The following SOX6 variants were observed in gnomAD, a reference collection of about 807,000 sequenced individuals.
SOX6 encodes SRY-box transcription factor 6, also known as transcription factor SOX-6.
In SOX6, 11 loss-of-function variants were observed where a neutral mutation model predicts 97.8. That is an observed-to-expected ratio of 0.11 (90% CI 0.07 to 0.19). SOX6 has a LOEUF of 0.19. Ranked by LOEUF, SOX6 falls within the 10% of genes least tolerant of loss-of-function variation. SOX6 has a pLI of 1.00. For synonymous variants in SOX6, 360 were observed against 371.4 expected (o/e 0.97, Z 0.35); for missense variants, 810 against 1,039.5 (o/e 0.78, Z 3.04).
intron 9 of SOX6, among the ~76,000 whole-genome samples, chr11:16,076,109 T>G (rs772228889): frequency 6.6e-6 from 1 of 151,932 alleles, no homozygotes; most frequent in Non-Finnish European, 1.5e-5. Context: ...CTAAAATCAA[T>G]TCAAGATGGA....
chr11:16,586,484 CAGG>C (rs1848094748), intron 4 of SOX6, among the ~76,000 whole-genome samples: 2 of 152,250 alleles, frequency 1.3e-5, no homozygotes, highest in Non-Finnish European at 2.9e-5. Flanking sequence ...TCTCCCTTAG[CAGG>C]AGAAGAGCCT....
At chr11:16,218,867 A>C (rs1312797022) in intron 4 of SOX6, among the ~76,000 whole-genome samples, 2 of 152,040 alleles carry the variant, frequency 1.3e-5, no homozygotes, top group African/African-American at 4.8e-5. Flanking sequence ...TCCCTGGCCA[A>C]ACCATTTTCA....
intron 3 of SOX6, among the ~76,000 whole-genome samples, chr11:16,706,442 C>A (rs1177441697): frequency 1.9e-5 from 1 of 53,150 alleles, no homozygotes; most frequent in Non-Finnish European, 3.1e-5. Flanking sequence ...AGAGTGAGAA[C>A]CTATCACAAA....
intron 2 of SOX6, among the ~76,000 whole-genome samples, chr11:16,720,023 G>C (rs1251078828): frequency 6.6e-6 from 1 of 152,184 alleles, no homozygotes; most frequent in Non-Finnish European, 1.5e-5. Flanking sequence ...TATCCACCAT[G>C]ATCAAGTGGG....
intron 3 of SOX6, among the ~76,000 whole-genome samples, chr11:16,292,003 G>C (rs1023562968): frequency 6.6e-6 from 1 of 152,110 alleles, no homozygotes; most frequent in Admixed American, 6.6e-5. Flanking sequence ...TTAAACTACA[G>C]ATGTTTAACA....
At chr11:16,180,989 CATT>C (rs1380465580) in intron 6 of SOX6, among the ~76,000 whole-genome samples, 1 of 151,604 alleles carries the variant, frequency 6.6e-6, no homozygotes, top group Non-Finnish European at 1.5e-5. Context: ...CATTCATTTT[CATT>C]TGTTTCCATT....
Position 16,630,019 on chromosome 11 carries a change from T to C in SOX6, n.430-17759A>G, listed in dbSNP as rs9651634. The stretch of plus-strand genomic sequence containing the variant: ...TTAATCTAGCTAATGGTCTATCAAT[T>C]TTATCTTTTCAAATAACCAGCTCTT... On this transcript the variant is annotated intron_variant and non_coding_transcript_variant, in intron 3 of 5. Coordinates refer to the SOX6 transcript ENST00000524520. Among the ~76,000 whole-genome samples the C allele has an allele frequency of 8.0e-4, 122 of 152,294 alleles. 1 individual carries two copies. Among genetic ancestry groups the C allele is most frequent in the African/African-American group, 2.6e-3 (110 of 41,572 alleles).
At chr11:16,347,824 T>C (rs1034791776) in intron 1 of SOX6, among the ~76,000 whole-genome samples, 1 of 152,094 alleles carries the variant, frequency 6.6e-6, no homozygotes, top group South Asian at 2.1e-4. Context: ...AAATGAATAT[T>C]GATACTTTAG....
intron 1 of SOX6, among the ~76,000 whole-genome samples, chr11:16,383,649 A>T (rs1857893239): frequency 6.6e-6 from 1 of 151,976 alleles, no homozygotes; most frequent in Non-Finnish European, 1.5e-5. Flanking sequence ...AATACCCTTA[A>T]AATATGAACT....
chr11:16,496,387 G>A (rs576807766), intron 4 of SOX6, among the ~76,000 whole-genome samples: 64 of 151,988 alleles, frequency 4.2e-4, no homozygotes, highest in African/African-American at 1.4e-3. Flanking sequence ...AGCTCCCAGC[G>A]TGAGAAACGC....
intron 3 of SOX6, among the ~76,000 whole-genome samples, chr11:16,296,099 CATAAT>C (rs1167476649): frequency 1.1e-4 from 16 of 152,108 alleles, no homozygotes; most frequent in African/African-American, 3.9e-4. Context: ...ATTTAATCAC[CATAAT>C]ATAACATTTT....
At chr11:16,020,830 G>C (rs928862841) in intron 12 of SOX6, among the ~76,000 whole-genome samples, 24 of 152,236 alleles carry the variant, frequency 1.6e-4, no homozygotes, top group African/African-American at 5.8e-4. Flanking sequence ...TTTCAAGCCA[G>C]AGATTGTATC....
chr11:16,454,765 T>C (rs959375813), intron 1 of SOX6, among the ~76,000 whole-genome samples: 1 of 152,114 alleles, frequency 6.6e-6, no homozygotes, highest in African/African-American at 2.4e-5. Flanking sequence ...ATCTATTCCA[T>C]TATAGCACAA....
intron 13 of SOX6, among the ~76,000 whole-genome samples, chr11:15,994,533 T>C (rs1052055683): frequency 7.9e-5 from 12 of 152,016 alleles, no homozygotes; most frequent in Middle Eastern, 3.4e-3. Flanking sequence ...AGAAGTCTTT[T>C]GAGGTTTTTA....
chr11:16,486,946 A>G (rs533602139), intron 4 of SOX6, among the ~76,000 whole-genome samples: 1 of 152,200 alleles, frequency 6.6e-6, no homozygotes, highest in South Asian at 2.1e-4. Context: ...TTAGAGCTCC[A>G]CACAAACCAA....
At chr11:16,022,413 C>T (rs1337985128) in intron 12 of SOX6, among the ~76,000 whole-genome samples, 1 of 144,302 alleles carries the variant, frequency 6.9e-6, no homozygotes, top group Non-Finnish European at 1.5e-5. Context: ...CTCTCTCTTT[C>T]TCTTTCTCTC....
rs190588434 is a variant in SOX6, at chr11:16,502,418, A to G, written n.610-26030T>C. On this transcript the variant is annotated intron_variant and non_coding_transcript_variant, in intron 4 of 5. Transcript: ENST00000524520. Reference sequence around the variant, plus strand: ...ATGACACATGTATACATATGTAACAAACGTGCACGTTGTTAACATGTACCC... The same window carrying G: ...ATGACACATGTATACATATGTAACAGACGTGCACGTTGTTAACATGTACCC... 8.1e-3 allele frequency among the ~76,000 whole-genome samples: 1,239 copies of G among 152,136 alleles called. 17 individuals are homozygous for G. Among genetic ancestry groups the G allele is most frequent in the African/African-American group, 0.029 (1,183 of 41,486 alleles).
At chr11:16,205,967 C>G (rs944888441) in intron 4 of SOX6, among the ~76,000 whole-genome samples, 4 of 151,380 alleles carry the variant, frequency 2.6e-5, no homozygotes, top group African/African-American at 4.9e-5. Flanking sequence ...AGTGTGGGCT[C>G]TCTGCAATAT....
intron 12 of SOX6, among the ~76,000 whole-genome samples, chr11:16,032,401 T>C (rs571554379): frequency 1.4e-4 from 22 of 152,294 alleles, no homozygotes. Flanking sequence ...TATTAAAAAT[T>C]CATCAGTCAC....
Sources: gnomAD v4.1 joint callset for allele counts (sites outside exome capture counted in the v4.1 genomes callset) on GRCh38, gnomAD v4.1.1 for gene constraint, MANE v1.5 for transcripts, NCBI Gene and HGNC (gene_info 2026-07-23, HGNC 2026-07-21) for gene names.